ANKS1A: variants seen among roughly 807,000 people sequenced by gnomAD.
ANKS1A encodes the protein ankyrin repeat and SAM domain-containing protein 1A.
A neutral mutation model predicts 120.3 loss-of-function variants in ANKS1A; 55 were observed. The ratio of observed to expected loss-of-function variants is 0.46; its 90% CI spans 0.37 to 0.57. The LOEUF (loss-of-function observed/expected upper bound fraction) is 0.57, where lower values mean the gene tolerates loss of function less well. ANKS1A is among the 20% of genes least tolerant of loss of function. The probability of loss-of-function intolerance (pLI) is 0.00; values close to 1 mark genes in which losing one functional copy is unlikely to be tolerated. For missense variants in ANKS1A, 1,123 were observed against 1,480.3 expected (o/e 0.76, Z 3.96); for synonymous variants, 590 against 604.7 (o/e 0.98, Z 0.36).
chr6:35,079,670 T>G lies in ANKS1A; in HGVS notation c.2436+2T>G. 1.2e-6 allele frequency: 2 copies of G among 1,614,104 alleles called. No homozygotes were observed. The highest frequency in any genetic ancestry group is 8.5e-7 in the Non-Finnish European group (1 of 1,180,006). On this transcript the variant is annotated splice_donor_variant, in intron 15 of 23. Coordinates refer to ENST00000360359, the MANE Select transcript of ANKS1A (RefSeq NM_015245.3). LOFTEE classifies it high-confidence loss of function. ...CTCTGGGAGCTAGAGCTCGTCAATG[T>G]GAGTAGTCCCTGCGTGGCCCGGCCT...
intron 20 of ANKS1A, among the ~76,000 whole-genome samples, chr6:35,083,826 C>T (rs1292928473): frequency 4.6e-5 from 7 of 152,146 alleles, no homozygotes; most frequent in Non-Finnish European, 7.4e-5. Context: ...TGGGATCCCA[C>T]CTTCCTGACA....
the ANKS1A span, among the ~76,000 whole-genome samples, chr6:35,097,616 AG>A: frequency 6.7e-6 from 1 of 148,266 alleles, no homozygotes; most frequent in Admixed American, 6.9e-5. Flanking sequence ...GTCTGACACA[AG>A]GCACCAGAAA....
downstream of ANKS1A, among the ~76,000 whole-genome samples, chr6:35,095,596 GAAAGAAAGAGAGAA>G (rs1778445610): frequency 1.2e-5 from 1 of 81,628 alleles, no homozygotes; most frequent in Non-Finnish European, 2.4e-5. Context: ...AAGAAAGAGA[GAAAGAAAGAGAGAA>G]ACAACAAAAA....
intron 1 of ANKS1A, among the ~76,000 whole-genome samples, chr6:34,935,998 C>T (rs1246410600): frequency 1.5e-5 from 2 of 135,812 alleles, no homozygotes; most frequent in Admixed American, 1.6e-4. Context: ...GGAGGCGGAG[C>T]TTGCAGTGAG....
At chr6:34,965,323 C>T (rs1770840373) in intron 1 of ANKS1A, among the ~76,000 whole-genome samples, 1 of 151,944 alleles carries the variant, frequency 6.6e-6, no homozygotes, top group South Asian at 2.1e-4. Context: ...AATAATTTGT[C>T]TGTTGATGCC....
chr6:34,969,879 T>G, intron 2 of ANKS1A, 131 bp from the exon 3 acceptor site: 5 of 1,034,956 alleles, frequency 4.8e-6, no homozygotes, highest in Non-Finnish European at 6.9e-6. Context: ...GCTGGGGTGG[T>G]GAGCTCAGGT....
At chr6:35,072,659 T>A (rs1777139878) in intron 13 of ANKS1A, among the ~76,000 whole-genome samples, 1 of 152,178 alleles carries the variant, frequency 6.6e-6, no homozygotes, top group Admixed American at 6.5e-5. Flanking sequence ...CACTCACCTC[T>A]AAGAATTGGA....
chr6:34,932,034 T>C (rs565890110), intron 1 of ANKS1A, among the ~76,000 whole-genome samples: 1 of 152,340 alleles, frequency 6.6e-6, no homozygotes, highest in Admixed American at 6.5e-5. Context: ...CAATGGCCAG[T>C]TGGATGGCCT....
Position 35,086,147 on chromosome 6 carries a change from T to G in ANKS1A, c.3303+211T>G. On this transcript the variant is annotated intron_variant, in intron 22 of 23. Transcript: ENST00000360359. The surrounding 1 kb of genome is among the most constrained non-coding windows in gnomAD (Gnocchi z 5.1). ...CTGGGCGGGCCTCTCATGCTCCTGT[T>G]TCCCTCCCTCGCTGGGCTCCCCCAA... 1.7e-6 allele frequency: 2 copies of G among 1,177,904 alleles called. No homozygotes were observed. Among genetic ancestry groups the G allele is most frequent in the Non-Finnish European group, 1.2e-6 (1 of 853,780 alleles). The allele number at this position is 1,177,904 out of a possible 1,614,324, so 73.0% of individuals were successfully genotyped here.
Position 35,085,749 on chromosome 6 carries a change from G to A in ANKS1A, c.3133-17G>A. On this transcript the variant is annotated splice_polypyrimidine_tract_variant and intron_variant, in intron 21 of 23. Transcript: ENST00000360359. This position sits in a 1 kb window ranked among gnomAD's most constrained non-coding sequence, Gnocchi z 4.7. ...CTCCTGAACCAGGTGCTTAAGTGGTGATCTGCTTCCTCCCAGAACCTGACC... is the reference window on the plus strand; with the variant it reads ...CTCCTGAACCAGGTGCTTAAGTGGTAATCTGCTTCCTCCCAGAACCTGACC... The A allele has an allele frequency of 6.4e-7, 1 of 1,566,316 alleles. No homozygotes were observed. The highest frequency in any genetic ancestry group is 8.6e-7 in the Non-Finnish European group (1 of 1,156,370).
At chr6:34,987,163 A>G (rs1772256488) in intron 8 of ANKS1A, among the ~76,000 whole-genome samples, 1 of 152,238 alleles carries the variant, frequency 6.6e-6, no homozygotes, top group East Asian at 1.9e-4. Flanking sequence ...GTAATTAACT[A>G]TGGCAAAGGG....
intron 10 of ANKS1A, among the ~76,000 whole-genome samples, chr6:34,999,256 C>T (rs1386904314): frequency 1.3e-5 from 2 of 151,992 alleles, no homozygotes; most frequent in African/African-American, 2.4e-5. Context: ...ACCATTTGAG[C>T]GGAAGCATGG....
rs71538280 is a variant in ANKS1A at position 34,889,525 on chromosome 6, G to GGGCGGC, written c.133_138dup (p.Gly45_Gly46dup). On this transcript the variant is annotated inframe_insertion, in exon 1 of 24. Transcript: ENST00000360359. The surrounding 1 kb of genome is among the most constrained non-coding windows in gnomAD (Gnocchi z 5.5). ...GGGGCGGCGGCGGCGGTGGCTCTGG[G>GGGCGGC]GGCGGCGGCGGCGGCAGCGGCGGCG... 41,880 of 1,261,006 alleles carry GGGCGGC rather than the reference G, an allele frequency of 0.033. 1,840 individuals are homozygous for GGGCGGC. The highest frequency in any genetic ancestry group is 0.17 in the East Asian group (4,890 of 28,800). 78.1% of individuals were successfully genotyped at this position (1,261,006 alleles called of 1,614,324 possible).
intron 1 of ANKS1A, among the ~76,000 whole-genome samples, chr6:34,909,400 A>G (rs182811212): frequency 3.2e-4 from 49 of 152,294 alleles, no homozygotes; most frequent in Admixed American, 1.0e-3. Flanking sequence ...TATCATTATC[A>G]TTAATGAAAA....
chr6:34,897,924 G>T (rs1471460148), intron 1 of ANKS1A, among the ~76,000 whole-genome samples: 2 of 152,144 alleles, frequency 1.3e-5, no homozygotes, highest in Non-Finnish European at 2.9e-5. Flanking sequence ...GGTGGCTAAG[G>T]ATCAGGTTCT....
Position 35,086,292 on chromosome 6 carries a change from G to A in ANKS1A, c.3303+356G>A, listed in dbSNP as rs112598986. The A allele has an allele frequency of 2.3e-4, 307 of 1,317,074 alleles. 1 individual carries two copies. In the African/African-American group the frequency reaches 3.1e-3, roughly 13 times the overall value. 81.6% of individuals were successfully genotyped at this position (1,317,074 alleles called of 1,614,324 possible). A position where few individuals can be genotyped will look rare whatever the true frequency, so the allele number is the denominator to read the frequency against. On this transcript the variant is annotated intron_variant, in intron 22 of 23. Coordinates refer to ENST00000360359, the MANE Select transcript of ANKS1A (RefSeq NM_015245.3). The surrounding 1 kb of genome is among the most constrained non-coding windows in gnomAD (Gnocchi z 5.1). ...CAGGTGCCGCTGCCCCCCGATAGTC[G>A]CTGTTGTTACTGTCACACCTGCACC...
chr6:34,980,407 G>A (rs1426149268), intron 3 of ANKS1A, among the ~76,000 whole-genome samples: 1 of 152,194 alleles, frequency 6.6e-6, no homozygotes, highest in Non-Finnish European at 1.5e-5. Flanking sequence ...AGCAGCTGTG[G>A]ATCTTTCTGG....
At chr6:35,032,944 AAAAC>A (rs1774981969) in intron 11 of ANKS1A, among the ~76,000 whole-genome samples, 1 of 152,222 alleles carries the variant, frequency 6.6e-6, no homozygotes, top group Non-Finnish European at 1.5e-5. Context: ...ATATTTCACT[AAAAC>A]AAGCTGGTTC....
At chr6:35,014,765 T>A (rs1290661825) in intron 10 of ANKS1A, among the ~76,000 whole-genome samples, 1 of 152,250 alleles carries the variant, frequency 6.6e-6, no homozygotes, top group Non-Finnish European at 1.5e-5. Context: ...CAAAGTCATC[T>A]TGCATTCAAA....
Sources: allele counts gnomAD v4.1 joint callset (sites outside exome capture counted in the v4.1 genomes callset), GRCh38; gene constraint gnomAD v4.1.1; non-coding constraint Gnocchi (gnomAD v3.1); transcripts MANE v1.5; gene names NCBI Gene and HGNC (gene_info 2026-07-23, HGNC 2026-07-21).